The following GRIP1 variants were observed in gnomAD, a reference collection of about 807,000 sequenced individuals.
The protein encoded by GRIP1 is glutamate receptor-interacting protein 1.
In GRIP1, 45 loss-of-function variants were observed where a neutral mutation model predicts 129.9. That is an observed-to-expected ratio of 0.35 (90% CI 0.27 to 0.44). The LOEUF (loss-of-function observed/expected upper bound fraction) is 0.44. GRIP1 is among the 20% of genes least tolerant of loss of function. The probability of loss-of-function intolerance (pLI) is 1.00; values close to 1 mark genes in which losing one functional copy is unlikely to be tolerated. For missense variants in GRIP1, 1,196 were observed against 1,396.8 expected (o/e 0.86, Z 2.29); for synonymous variants, 530 against 520.8 (o/e 1.02, Z -0.24).
Position 66,678,957 on chromosome 12 carries a change from G to A in GRIP1, c.-53C>T, listed in dbSNP as rs1004447015. The A allele has an allele frequency of 1.9e-6, 3 of 1,611,820 alleles. No homozygotes were observed. Among genetic ancestry groups the A allele is most frequent in the Non-Finnish European group, 2.5e-6 (3 of 1,178,520 alleles). ...TGTACTCAAGGCTCTCTGCTCTGGT[G>A]GCTGCAGCAGCAGCAGCATATGAAT... is the stretch of plus-strand genomic sequence containing the variant. On this transcript the variant is annotated 5_prime_UTR_variant, in exon 1 of 25. Coordinates refer to ENST00000359742, the MANE Select transcript of GRIP1 (RefSeq NM_001366722.1).
At chr12:67,013,495 A>G (rs779661716) in intron 1 of GRIP1, among the ~76,000 whole-genome samples, 22 of 152,200 alleles carry the variant, frequency 1.4e-4, no homozygotes, top group Non-Finnish European at 2.8e-4. Flanking sequence ...TCATCTATCT[A>G]GAACACAATT....
intron 1 of GRIP1, among the ~76,000 whole-genome samples, chr12:67,053,165 G>A (rs1412330139): frequency 6.6e-6 from 1 of 152,122 alleles, no homozygotes; most frequent in Non-Finnish European, 1.5e-5. Flanking sequence ...AGATCACTCA[G>A]TCAACAAGTA....
intron 2 of GRIP1, among the ~76,000 whole-genome samples, chr12:66,554,214 C>T (rs1450476104): frequency 6.6e-6 from 1 of 152,144 alleles, no homozygotes; most frequent in Non-Finnish European, 1.5e-5. Context: ...AACTTGGATA[C>T]CAACTCAGCT....
intron 15 of GRIP1, among the ~76,000 whole-genome samples, chr12:66,413,563 T>C (rs1471567089): frequency 6.6e-6 from 1 of 152,132 alleles, no homozygotes; most frequent in Non-Finnish European, 1.5e-5. Flanking sequence ...TCCAAACAAT[T>C]GAAAAGGTGG....
chr12:66,719,316 T>C (rs550574842), intron 1 of GRIP1, among the ~76,000 whole-genome samples: 1 of 152,178 alleles, frequency 6.6e-6, no homozygotes, highest in African/African-American at 2.4e-5. Flanking sequence ...AAGAACTTTT[T>C]AGCAAGTACA....
chr12:66,662,730 T>C, intron 1 of GRIP1, among the ~76,000 whole-genome samples: 1 of 152,192 alleles, frequency 6.6e-6, no homozygotes, highest in Admixed American at 6.5e-5. Context: ...TTCTACCCTG[T>C]TTCTCTTCAT....
intron 4 of GRIP1, among the ~76,000 whole-genome samples, chr12:66,530,670 G>C (rs1053546383): frequency 5.9e-5 from 9 of 151,888 alleles, no homozygotes; most frequent in African/African-American, 2.2e-4. Context: ...AAAATATTCT[G>C]TAAGATTGCT....
At position 66,973,919 on chromosome 12, in the gene GRIP1, C is replaced by CTTTTT. The variant is rs535699240; in HGVS notation, c.58+95126_58+95130dup. Among the ~76,000 whole-genome samples the CTTTTT allele has an allele frequency of 2.0e-3, 240 of 121,242 alleles. 3 individuals are homozygous for CTTTTT. The highest frequency in any genetic ancestry group is 5.0e-3 in the Middle Eastern group (1 of 202). The allele number at this position is 121,242 out of a possible 152,430, so 79.5% of individuals were successfully genotyped here. The stretch of plus-strand genomic sequence containing the variant: ...AGTTAGAAGGCTTTTCTTTTCTTTT[C>CTTTTT]TTTTTTTTTTTTTTTTTTGAGTCAG... On this transcript the variant is annotated intron_variant, in intron 1 of 1. Transcript: ENST00000643019.
Position 66,554,632 on chromosome 12 carries a change from T to C in GRIP1, c.137-12682A>G, listed in dbSNP as rs1055174533. On this transcript the variant is annotated intron_variant, in intron 2 of 24. Transcript: ENST00000359742. ...GGCCTTGGCTCATGAATGGCATTTA[T>C]GGACCTGCTTTGGGCTAGAGGGGGG... Among the ~76,000 whole-genome samples the C allele has an allele frequency of 4.6e-5, 7 of 152,180 alleles. No homozygotes were observed. In the South Asian group the frequency reaches 8.3e-4, roughly 18 times the overall value.
intron 15 of GRIP1, 27 bp from the exon 16 acceptor site, chr12:66,406,455 G>A: frequency 6.2e-7 from 1 of 1,609,678 alleles, no homozygotes; most frequent in Non-Finnish European, 8.5e-7. Flanking sequence ...AGTAACACAT[G>A]ACTAATGATG....
At chr12:66,774,170 T>C (rs554637012) in intron 1 of GRIP1, among the ~76,000 whole-genome samples, 53 of 152,262 alleles carry the variant, frequency 3.5e-4, no homozygotes, top group African/African-American at 1.3e-3. Context: ...ATATACTCAT[T>C]GTGTGACTAG....
At chr12:66,526,133 C>A (rs1487236239) in intron 5 of GRIP1, among the ~76,000 whole-genome samples, 2 of 151,684 alleles carry the variant, frequency 1.3e-5, no homozygotes, top group Non-Finnish European at 2.9e-5. Flanking sequence ...AATGCCATCC[C>A]CAACAAGCTA....
intron 2 of GRIP1, among the ~76,000 whole-genome samples, chr12:66,569,989 T>A (rs73323155): frequency 0.014 from 2,168 of 152,270 alleles, 57 homozygotes; most frequent in African/African-American, 0.05. Context: ...AGTAAGTGCA[T>A]GCACAGGCAA....
Position 66,596,889 on chromosome 12 carries a change from G to C in GRIP1, c.94C>G (p.Pro32Ala). The change falls in exon 2 of 25, where the codon CCG becomes GCG. Residue 32 changes from proline (P) to alanine (A), a missense_variant. By Grantham distance (27) the Pro-to-Ala change is conservative. Coordinates refer to ENST00000359742, the MANE Select transcript of GRIP1 (RefSeq NM_001366722.1). Reference protein sequence around the residue: ...PYTKSASQTKPPDGALAVRRQ... With the variant: ...PYTKSASQTKAPDGALAVRRQ... ...CTCACAGCCAACGCTCCATCAGGCG[G>C]CTTTGTCTGGCTGGCGGATTTAGTG... 6.2e-7 allele frequency: 1 copy of C among 1,613,546 alleles called. No individual in the cohort carries two copies. The highest frequency in any genetic ancestry group is 8.5e-7 in the Non-Finnish European group (1 of 1,179,464).
intron 1 of GRIP1, among the ~76,000 whole-genome samples, chr12:66,641,799 G>A (rs563239918): frequency 6.6e-6 from 1 of 152,242 alleles, no homozygotes; most frequent in South Asian, 2.1e-4. Flanking sequence ...TATAAGGATC[G>A]CAGTGCTACC....
chr12:66,754,194 C>A (rs553126801), intron 1 of GRIP1, among the ~76,000 whole-genome samples: 1 of 152,100 alleles, frequency 6.6e-6, no homozygotes, highest in Non-Finnish European at 1.5e-5. Flanking sequence ...GGAATATAGA[C>A]GATGGATGTA....
intron 7 of GRIP1, among the ~76,000 whole-genome samples, chr12:66,512,199 G>A (rs999056233): frequency 3.9e-5 from 6 of 152,082 alleles, no homozygotes; most frequent in Non-Finnish European, 5.9e-5. Flanking sequence ...GTGTGAAAAC[G>A]GACTAACACA....
chr12:66,883,785 C>T (rs958905234), intron 1 of GRIP1, among the ~76,000 whole-genome samples: 6 of 152,198 alleles, frequency 3.9e-5, no homozygotes, highest in African/African-American at 1.4e-4. Flanking sequence ...GAGAAGAGGG[C>T]AGATCGGGTT....
chr12:67,051,843 A>G (rs1405468), intron 1 of GRIP1, among the ~76,000 whole-genome samples: 146,050 of 152,298 alleles, frequency 0.96, 70,357 homozygotes, highest in East Asian at 1. Context: ...CAAAATCCAA[A>G]TCATCACATC....
Sources: gnomAD v4.1 joint callset for allele counts (sites outside exome capture counted in the v4.1 genomes callset) on GRCh38, gnomAD v4.1.1 for gene constraint, MANE v1.5 for transcripts, NCBI Gene and HGNC (gene_info 2026-07-23, HGNC 2026-07-21) for gene names.